The following RIT2 variants were observed in gnomAD, a reference collection of about 807,000 sequenced individuals.
The protein encoded by RIT2 is GTP-binding protein Rit2.
RIT2 carries 24 observed loss-of-function variants against 23.7 expected under a neutral mutation model. That is an observed-to-expected ratio of 1.01 (90% CI 0.73 to 1.43). RIT2 has a LOEUF of 1.43. Among genes scored for constraint, RIT2 ranks in the 40% most tolerant of loss-of-function variants. The pLI, the probability that RIT2 is intolerant of heterozygous loss-of-function variation, is 0.00. For synonymous variants in RIT2, 107 were observed against 91.1 expected (o/e 1.17, Z -0.99); for missense variants, 236 against 266.9 (o/e 0.88, Z 0.81).
At chr18:43,037,862 A>T (rs1185118552) in intron 1 of RIT2, among the ~76,000 whole-genome samples, 2 of 152,020 alleles carry the variant, frequency 1.3e-5, no homozygotes, top group Non-Finnish European at 2.9e-5. Flanking sequence ...GATACTAAGG[A>T]TTCTTTTTTC....
At chr18:42,854,333 C>A (rs1218746229) in intron 4 of RIT2, among the ~76,000 whole-genome samples, 2 of 152,148 alleles carry the variant, frequency 1.3e-5, no homozygotes, top group Admixed American at 6.5e-5. Context: ...ATTTCCATAA[C>A]TCTTTGCCTA....
intron 4 of RIT2, among the ~76,000 whole-genome samples, chr18:42,872,773 T>C (rs1282633548): frequency 6.6e-6 from 1 of 152,188 alleles, no homozygotes; most frequent in Non-Finnish European, 1.5e-5. Context: ...ATTTCTCAAA[T>C]GTTAGAATCA....
intron 4 of RIT2, among the ~76,000 whole-genome samples, chr18:42,890,589 G>C (rs183030520): frequency 6.6e-6 from 1 of 151,738 alleles, no homozygotes; most frequent in East Asian, 1.9e-4. Flanking sequence ...GAGAGAAGGA[G>C]AAGCAGGGAG....
intron 4 of RIT2, among the ~76,000 whole-genome samples, chr18:42,766,667 A>G (rs1229861909): frequency 1.3e-5 from 2 of 152,208 alleles, no homozygotes; most frequent in Admixed American, 1.3e-4. Context: ...TTAAACCCCA[A>G]AACCATGGGG....
intron 2 of RIT2, among the ~76,000 whole-genome samples, chr18:43,015,140 G>A (rs1911442813): frequency 6.6e-6 from 1 of 151,700 alleles, no homozygotes. Flanking sequence ...TGTTTTAGCT[G>A]TATAGTAGTT....
intron 1 of RIT2, among the ~76,000 whole-genome samples, chr18:43,085,070 G>A (rs1471603085): frequency 6.6e-6 from 1 of 151,978 alleles, no homozygotes; most frequent in Non-Finnish European, 1.5e-5. Flanking sequence ...GGAAGCGGGA[G>A]GCTTTTTTGA....
chr18:42,856,742 A>T (rs1450579322), intron 4 of RIT2, among the ~76,000 whole-genome samples: 2 of 152,068 alleles, frequency 1.3e-5, no homozygotes, highest in African/African-American at 4.8e-5. Flanking sequence ...TGGTTCTCAA[A>T]TAGTAGGAGA....
chr18:43,021,991 G>A (rs80060187), intron 2 of RIT2, among the ~76,000 whole-genome samples: 5,690 of 152,156 alleles, frequency 0.037, 351 homozygotes, highest in African/African-American at 0.13. Context: ...CTATATCGGA[G>A]GGATACCTGC....
intron 4 of RIT2, among the ~76,000 whole-genome samples, chr18:42,880,683 T>C (rs1907865182): frequency 6.6e-6 from 1 of 152,134 alleles, no homozygotes; most frequent in Admixed American, 6.6e-5. Flanking sequence ...TTTAAATACT[T>C]CATATACATT....
intron 4 of RIT2, among the ~76,000 whole-genome samples, chr18:42,770,223 A>G (rs1284249009): frequency 6.6e-6 from 1 of 152,170 alleles, no homozygotes; most frequent in African/African-American, 2.4e-5. Flanking sequence ...CATAACACAA[A>G]TAGTTTGGAC....
At chr18:43,014,301 A>G (rs922248542) in intron 2 of RIT2, among the ~76,000 whole-genome samples, 10 of 151,802 alleles carry the variant, frequency 6.6e-5, no homozygotes, top group African/African-American at 7.2e-5. Flanking sequence ...TATTAAGTAC[A>G]AAAAGAAATA....
chr18:43,016,298 T>C (rs1598748905), intron 2 of RIT2, among the ~76,000 whole-genome samples: 3 of 151,992 alleles, frequency 2.0e-5, no homozygotes, highest in Middle Eastern at 3.4e-3. Context: ...GTTGCTTCCA[T>C]TGGTGTGGTG....
intron 4 of RIT2, among the ~76,000 whole-genome samples, chr18:42,788,825 T>C (rs972826867): frequency 6.6e-6 from 1 of 152,174 alleles, no homozygotes; most frequent in African/African-American, 2.4e-5. Flanking sequence ...TAAAAAGCAG[T>C]GCTCTAAACA....
chr18:42,843,876 T>G (rs1906834464), intron 4 of RIT2, among the ~76,000 whole-genome samples: 1 of 152,160 alleles, frequency 6.6e-6, no homozygotes, highest in Non-Finnish European at 1.5e-5. Flanking sequence ...GAAATACAAT[T>G]AAAGGTTATT....
chr18:42,884,319 C>A (rs1389963940), intron 4 of RIT2, among the ~76,000 whole-genome samples: 1 of 152,204 alleles, frequency 6.6e-6, no homozygotes, highest in Non-Finnish European at 1.5e-5. Flanking sequence ...TCTCTCTTTT[C>A]TTTAATGTCA....
intron 4 of RIT2, among the ~76,000 whole-genome samples, chr18:42,744,725 T>A (rs1368319056): frequency 6.6e-6 from 1 of 152,150 alleles, no homozygotes; most frequent in Non-Finnish European, 1.5e-5. Flanking sequence ...TCCAGAGCTT[T>A]CACTGAAGAA....
At chr18:43,017,857 T>G (rs1202281188) in intron 2 of RIT2, among the ~76,000 whole-genome samples, 1 of 152,002 alleles carries the variant, frequency 6.6e-6, no homozygotes, top group Non-Finnish European at 1.5e-5. Flanking sequence ...CATCCATCTG[T>G]GAGCTGGTAG....
chr18:42,997,800 T>C (rs928549853), intron 2 of RIT2, among the ~76,000 whole-genome samples: 1 of 152,144 alleles, frequency 6.6e-6, no homozygotes, highest in African/African-American at 2.4e-5. Context: ...CCACCAACAC[T>C]TGGAAAATAG....
intron 3 of RIT2, among the ~76,000 whole-genome samples, chr18:42,946,089 C>G (rs1909721560): frequency 6.6e-6 from 1 of 152,004 alleles, no homozygotes; most frequent in Non-Finnish European, 1.5e-5. Context: ...TAATACAAAA[C>G]TAAAATTTCT....
Sources: gnomAD v4.1 joint callset for allele counts (sites outside exome capture counted in the v4.1 genomes callset) on GRCh38, gnomAD v4.1.1 for gene constraint, MANE v1.5 for transcripts, NCBI Gene and HGNC (gene_info 2026-07-23, HGNC 2026-07-21) for gene names.